Variants in TMTC2 observed in about 807,000 individuals in gnomAD.
The protein encoded by TMTC2 is transmembrane O-mannosyltransferase targeting cadherins 2.
In TMTC2, 43 loss-of-function variants were observed where a neutral mutation model predicts 82.4. The ratio of observed to expected loss-of-function variants is 0.52; its 90% confidence interval spans 0.41 to 0.67. TMTC2 has a LOEUF of 0.67. Ranked by LOEUF, TMTC2 falls within the 30% of genes least tolerant of loss-of-function variation. TMTC2 has a pLI of 0.00. For synonymous variants in TMTC2, 408 were observed against 381.9 expected, an observed-to-expected ratio of 1.07 and a Z score of -0.80; for missense variants, 919 against 1,012.4, an observed-to-expected ratio of 0.91 and a Z score of 1.25.
At chr12:82,738,563 G>C (rs1218687133) in intron 1 of TMTC2, among the ~76,000 whole-genome samples, 1 of 152,158 alleles carries the variant, frequency 6.6e-6, no homozygotes, top group Non-Finnish European at 1.5e-5. Context: ...TAGTATTCAG[G>C]TGTTAAGTGC....
At chr12:82,983,067 G>T (rs1234314343) in intron 7 of TMTC2, among the ~76,000 whole-genome samples, 1 of 152,118 alleles carries the variant, frequency 6.6e-6, no homozygotes, top group Admixed American at 6.5e-5. Context: ...ATGTGTTAAG[G>T]CCACTTAGGG....
At chr12:83,097,169 C>G (rs962666848) in intron 11 of TMTC2, among the ~76,000 whole-genome samples, 1 of 152,144 alleles carries the variant, frequency 6.6e-6, no homozygotes, top group African/African-American at 2.4e-5. Context: ...GAACTAGGGT[C>G]TCAATTCAGG....
At chr12:82,714,705 A>AT (rs574317525) in intron 1 of TMTC2, among the ~76,000 whole-genome samples, 223 of 152,072 alleles carry the variant, frequency 1.5e-3, no homozygotes, top group Non-Finnish European at 2.5e-3. Context: ...GGGACCGTGA[A>AT]TTTTTTTTAA....
chr12:82,873,383 T>C (rs1872315568), intron 2 of TMTC2, among the ~76,000 whole-genome samples: 1 of 152,088 alleles, frequency 6.6e-6, no homozygotes, highest in Non-Finnish European at 1.5e-5. Context: ...CTGTCTATTC[T>C]ACTGTATAAC....
chr12:83,005,517 G>A (rs1880161172), intron 8 of TMTC2, among the ~76,000 whole-genome samples: 1 of 151,964 alleles, frequency 6.6e-6, no homozygotes, highest in African/African-American at 2.4e-5. Flanking sequence ...CCGTGCCCTT[G>A]AACCCCCGCT....
At chr12:83,005,307 A>G (rs1161548338) in intron 8 of TMTC2, among the ~76,000 whole-genome samples, 3 of 148,722 alleles carry the variant, frequency 2.0e-5, no homozygotes, top group Non-Finnish European at 4.5e-5. Flanking sequence ...CCAGCCTGGG[A>G]AACGCAAGGA....
intron 11 of TMTC2, among the ~76,000 whole-genome samples, chr12:83,098,199 C>T (rs1884096229): frequency 6.6e-6 from 1 of 152,192 alleles, no homozygotes; most frequent in African/African-American, 2.4e-5. Flanking sequence ...GAATAACTGA[C>T]TCCAGCCTAT....
intron 4 of TMTC2, among the ~76,000 whole-genome samples, chr12:82,955,084 G>A (rs1565826499): frequency 6.6e-6 from 1 of 152,062 alleles, no homozygotes; most frequent in Admixed American, 6.6e-5. Context: ...TTCTAATCAG[G>A]GTTTTTCAAC....
At position 82,856,946 on chromosome 12, in the gene TMTC2, A is replaced by G. The variant is rs540754432; in HGVS notation, c.84-64A>G. On this transcript the variant is annotated intron_variant, in intron 1 of 11. Transcript: ENST00000321196. ...TTCTGAGAAAGGCAGTATCTTATCA[A>G]TGTCATATTTTTTCTTTCTTTCTGT... The G allele has an allele frequency of 1.5e-4, 217 of 1,452,308 alleles. 2 individuals are homozygous for G. The South Asian group carries it at 2.6e-3, about 17-fold the overall frequency. The allele number at this position is 1,452,308 out of a possible 1,614,324, so 90.0% of individuals were successfully genotyped here. A position where few individuals can be genotyped will look rare whatever the true frequency, so the allele number is the denominator to read the frequency against.
At chr12:82,900,901 T>C (rs1384593953) in intron 3 of TMTC2, among the ~76,000 whole-genome samples, 7 of 117,320 alleles carry the variant, frequency 6.0e-5, no homozygotes, top group Non-Finnish European at 9.7e-5. Flanking sequence ...GGAATATATA[T>C]ATAGGAATAT....
intron 8 of TMTC2, among the ~76,000 whole-genome samples, chr12:83,025,404 A>G (rs1428993606): frequency 1.3e-5 from 2 of 150,208 alleles, no homozygotes; most frequent in African/African-American, 4.9e-5. Flanking sequence ...ATATTTACAT[A>G]TAAATGTATT....
At chr12:83,109,085 C>T (rs1592497770) in intron 11 of TMTC2, among the ~76,000 whole-genome samples, 1 of 152,114 alleles carries the variant, frequency 6.6e-6, no homozygotes, top group African/African-American at 2.4e-5. Flanking sequence ...CTCTGCATCA[C>T]CAGTGTATTA....
intron 11 of TMTC2, among the ~76,000 whole-genome samples, chr12:83,099,144 G>A (rs74473824): frequency 0.083 from 12,581 of 152,116 alleles, 691 homozygotes; most frequent in African/African-American, 0.13. Flanking sequence ...ATTTTTCAGA[G>A]TTTTCTGCTT....
chr12:83,004,728 T>TATTTTA (rs1180427246), intron 8 of TMTC2, among the ~76,000 whole-genome samples: 2 of 40,978 alleles, frequency 4.9e-5, no homozygotes, highest in Non-Finnish European at 8.4e-5. Flanking sequence ...CCGAATTTTT[T>TATTTTA]TTTTTTTTTT....
chr12:82,759,990 C>T (rs970188987), intron 1 of TMTC2: 3 of 152,150 alleles, frequency 2.0e-5, no homozygotes, highest in Admixed American at 1.3e-4. Flanking sequence ...CCGTGTATCT[C>T]AAATTGTTAA....
At chr12:82,701,168 G>A (rs1873057209) in intron 1 of TMTC2, among the ~76,000 whole-genome samples, 1 of 152,100 alleles carries the variant, frequency 6.6e-6, no homozygotes, top group African/African-American at 2.4e-5. Context: ...TTACCGTATT[G>A]TAAGAATGAT....
rs140966539 is a variant in TMTC2, at chr12:82,876,066, GTGATGATGA to G, written c.654+18492_654+18500del. Among the ~76,000 whole-genome samples, 573 of 101,080 alleles carry G rather than the reference GTGATGATGA, an allele frequency of 5.7e-3. 20 individuals are homozygous for G. The highest frequency in any genetic ancestry group is 0.025 in the African/African-American group (521 of 20,756). 66.3% of individuals were successfully genotyped at this position (101,080 alleles called of 152,430 possible). On this transcript the variant is annotated intron_variant, in intron 2 of 11. Coordinates refer to ENST00000321196, the MANE Select transcript of TMTC2 (RefSeq NM_152588.3). ...GGTGGTGGTGGTGGTGGTGGTGGTG[GTGATGATGA>G]TGATGGTGATTAGTATTCATAATGG...
rs138130206 is a variant in TMTC2 at position 83,092,918 on chromosome 12, C to T, written c.2331+31087C>T. Among the ~76,000 whole-genome samples, 949 of 152,254 alleles carry T rather than the reference C, an allele frequency of 6.2e-3. 12 individuals carry two copies. Among genetic ancestry groups the T allele is most frequent in the African/African-American group, 0.022 (903 of 41,560 alleles). The stretch of plus-strand genomic sequence containing the variant: ...GGTTAAGCAAATAGGTATTTGAAAG[C>T]GGTCTTGAAATTTACTGGTGGTAAA... On this transcript the variant is annotated intron_variant, in intron 11 of 11. Coordinates refer to ENST00000321196, the MANE Select transcript of TMTC2 (RefSeq NM_152588.3).
At chr12:82,735,785 T>C (rs1875086537) in intron 1 of TMTC2, among the ~76,000 whole-genome samples, 1 of 151,636 alleles carries the variant, frequency 6.6e-6, no homozygotes. Context: ...GCCAACATAG[T>C]GAAACCCCGT....
Sources: allele counts gnomAD v4.1 joint callset (sites outside exome capture counted in the v4.1 genomes callset), GRCh38; gene constraint gnomAD v4.1.1; transcripts MANE v1.5; gene names NCBI Gene and HGNC (gene_info 2026-07-23, HGNC 2026-07-21).